Variants in SLC6A19 observed in about 807,000 individuals in gnomAD.
The protein encoded by SLC6A19 is sodium-dependent neutral amino acid transporter B(0)AT1.
In SLC6A19, 67 loss-of-function variants were observed where a neutral mutation model predicts 68.3. The observed-to-expected ratio is 0.98, with a 90% CI of 0.81 to 1.20. The LOEUF is 1.20. SLC6A19 is among the 50% of genes most tolerant of loss of function. The pLI is 0.00. For synonymous variants in SLC6A19, 392 were observed against 374.9 expected, an observed-to-expected ratio of 1.05 and a Z score of -0.53; for missense variants, 813 against 851.6, an observed-to-expected ratio of 0.95 and a Z score of 0.56.
chr5:1,209,078 C>G lies in SLC6A19; in HGVS notation c.343+192C>G, dbSNP rs74938348. Among the ~76,000 whole-genome samples the G allele has an allele frequency of 0.12, 17,923 of 152,218 alleles. 1,382 individuals carry two copies. Among genetic ancestry groups the G allele is most frequent in the Admixed American group, 0.24 (3,687 of 15,298 alleles). On this transcript the variant is annotated intron_variant, in intron 2 of 11. Transcript: ENST00000304460. The surrounding 1 kb of genome is among the most constrained non-coding windows in gnomAD (Gnocchi z 5.5). ...GAAACTCCAGGCCACTCCTGTTCAC[C>G]AGGAACCAGACAGGCCAGCAGAGGC... is the stretch of plus-strand genomic sequence containing the variant.
chr5:1,220,409 C>CAAAA (rs70957336), intron 10 of SLC6A19, among the ~76,000 whole-genome samples: 2 of 105,666 alleles, frequency 1.9e-5, no homozygotes, highest in African/African-American at 7.5e-5. Context: ...GGCTCCATCT[C>CAAAA]AAAAAAAAAA....
In SLC6A19 at chr5:1,222,389, G is replaced by C. The variant is rs889835516; in HGVS notation, c.*485G>C. 6.5e-6 allele frequency: 3 copies of C among 461,770 alleles called. No individual in the cohort carries two copies. Among genetic ancestry groups the C allele is most frequent in the South Asian group, 6.9e-5 (1 of 14,500 alleles). 28.6% of individuals were successfully genotyped at this position (461,770 alleles called of 1,614,324 possible). On this transcript the variant is annotated 3_prime_UTR_variant, in exon 12 of 12. Transcript: ENST00000304460. ...TCGTACAATGGGTGTCCACATGCAC[G>C]TGTATATGTATATCTGTGAGTGTAT...
rs188314121 is a variant in SLC6A19 at position 1,222,204 on chromosome 5, C to G, written c.*300C>G. ...GTGTCATGTTGTGTGTGTGCATGTACATGTATGGACATTGTGTGAGTGTGC... is the reference window on the plus strand; with the variant it reads ...GTGTCATGTTGTGTGTGTGCATGTAGATGTATGGACATTGTGTGAGTGTGC... On this transcript the variant is annotated 3_prime_UTR_variant, in exon 12 of 12. Coordinates refer to ENST00000304460, the MANE Select transcript of SLC6A19 (RefSeq NM_001003841.3). The G allele has an allele frequency of 4.5e-3, 2,622 of 588,754 alleles. 48 individuals carry two copies. In the African/African-American group the frequency reaches 0.045, roughly 10 times the overall value. The allele number at this position is 588,754 out of a possible 1,614,324, so 36.5% of individuals were successfully genotyped here.
At position 1,223,469 on chromosome 5, in the gene SLC6A19, C is replaced by T. The variant is rs1209136473; in HGVS notation, c.*1565C>T. 1 of 152,466 alleles carries T rather than the reference C, an allele frequency of 6.6e-6. No homozygotes were observed. Among genetic ancestry groups the T allele is most frequent in the African/African-American group, 2.4e-5 (1 of 41,482 alleles). 9.4% of individuals were successfully genotyped at this position (152,466 alleles called of 1,614,324 possible). The stretch of plus-strand genomic sequence containing the variant: ...CCACTCAGTGAAGCCCAGCCTGGCG[C>T]CTGCCCTGCCCCCGTCACGGGATGG... On this transcript the variant is annotated 3_prime_UTR_variant, in exon 12 of 12. Coordinates refer to ENST00000304460, the MANE Select transcript of SLC6A19 (RefSeq NM_001003841.3).
chr5:1,222,851 C>G lies in SLC6A19; in HGVS notation c.*947C>G, dbSNP rs1016892917. ...AGCAGACCACTGGGGACGTGCTGTG[C>G]CCTGCACGTGCCCGGGGGAAGCGGA... On this transcript the variant is annotated 3_prime_UTR_variant, in exon 12 of 12. Transcript: ENST00000304460. The G allele has an allele frequency of 1.3e-5, 2 of 152,378 alleles. No individual in the cohort carries two copies. The highest frequency in any genetic ancestry group is 1.3e-4 in the Admixed American group (2 of 15,282). 9.4% of individuals were successfully genotyped at this position (152,378 alleles called of 1,614,324 possible). A position where few individuals can be genotyped will look rare whatever the true frequency, so the allele number is the denominator to read the frequency against.
Position 1,221,786 on chromosome 5 carries a change from C to G in SLC6A19, c.1787C>G (p.Thr596Ser), listed in dbSNP as rs1411169824. 1.2e-6 allele frequency: 2 copies of G among 1,614,202 alleles called. No homozygotes were observed. The highest frequency in any genetic ancestry group is 1.1e-5 in the South Asian group (1 of 91,092). ...ATTGTGGCTGGAGTGCCCTCCCTCA[C>G]CATCCCTGGCTATGCCATCTACAAG... Reference protein sequence around the residue: ...VVIVAGVPSLTIPGYAIYKLI... With the variant: ...VVIVAGVPSLSIPGYAIYKLI... The change falls in exon 12 of 12, where the codon ACC (threonine) becomes AGC (serine). Residue 596 changes from threonine to serine, a missense_variant. Transcript: ENST00000304460.
chr5:1,201,964 G>C, intron 1 of SLC6A19, 112 bp downstream of exon 1: 1 of 1,378,474 alleles, frequency 7.3e-7, no homozygotes, highest in Non-Finnish European at 9.7e-7. Flanking sequence ...AAGCACGGAG[G>C]GGAGAGGAGA....
At chr5:1,204,666 GGGGCTGC>G (rs202013510) in intron 1 of SLC6A19, among the ~76,000 whole-genome samples, 3,090 of 128,078 alleles carry the variant, frequency 0.024, 45 homozygotes, top group Non-Finnish European at 0.045. Flanking sequence ...TGGCCCCTCA[GGGGCTGC>G]CCCCCCAGCT....
rs1466404656 is a variant in SLC6A19 at position 1,212,799 on chromosome 5, G to A, written c.663+315G>A. On this transcript the variant is annotated intron_variant, in intron 4 of 11. Transcript: ENST00000304460. The surrounding 1 kb of genome is among the most constrained non-coding windows in gnomAD (Gnocchi z 5.1). ...AGACGATGATGATGATGATGGTGATGATGGTGATGATAAAACAGGAAAGTG... is the reference window on the plus strand; with the variant it reads ...AGACGATGATGATGATGATGGTGATAATGGTGATGATAAAACAGGAAAGTG... Among the ~76,000 whole-genome samples the A allele has an allele frequency of 6.6e-6, 1 of 152,108 alleles. No individual in the cohort carries two copies. The highest frequency in any genetic ancestry group is 1.5e-5 in the Non-Finnish European group (1 of 68,008).
In SLC6A19 at chr5:1,215,474, G is replaced by A. The variant is rs146784032; in HGVS notation, c.888-1084G>A. On this transcript the variant is annotated intron_variant, in intron 6 of 11. Coordinates refer to ENST00000304460, the MANE Select transcript of SLC6A19 (RefSeq NM_001003841.3). This position sits in a 1 kb window ranked among gnomAD's most constrained non-coding sequence, Gnocchi z 5.1. ...CTGCCTCTGTGGCTGTGCCTAGTCC[G>A]GACATTTCCTGCGAATGGGGTGGCC... is the stretch of plus-strand genomic sequence containing the variant. Among the ~76,000 whole-genome samples the A allele has an allele frequency of 3.0e-4, 46 of 152,304 alleles. No individual in the cohort carries two copies. The highest frequency in any genetic ancestry group is 9.7e-4 in the East Asian group (5 of 5,174).
At chr5:1,221,618 G>C (rs1746383176) in intron 11 of SLC6A19, 83 bp from the exon 12 acceptor site, 21 of 1,545,930 alleles carry the variant, frequency 1.4e-5, no homozygotes, top group Non-Finnish European at 1.9e-5. Flanking sequence ...GGAGGTGAGA[G>C]TCATGGGGTG....
chr5:1,202,279 G>A (rs1391078201), intron 1 of SLC6A19, among the ~76,000 whole-genome samples: 1 of 152,222 alleles, frequency 6.6e-6, no homozygotes, highest in Non-Finnish European at 1.5e-5. Flanking sequence ...GAGGTAGCTG[G>A]GTTGGGGGCA....
At chr5:1,202,090 A>G (rs1199429811) in intron 1 of SLC6A19, among the ~76,000 whole-genome samples, 1 of 152,172 alleles carries the variant, frequency 6.6e-6, no homozygotes, top group Non-Finnish European at 1.5e-5. Flanking sequence ...GTGGGGCTCC[A>G]GGGAGGGCCC....
In SLC6A19 at chr5:1,212,035, CTGTG is replaced by C. The variant is rs201296447; in HGVS notation, c.482-257_482-254del. Among the ~76,000 whole-genome samples, 1 of 119,806 alleles carries C rather than the reference CTGTG, an allele frequency of 8.3e-6. No individual in the cohort carries two copies. The highest frequency in any genetic ancestry group is 3.3e-5 in the African/African-American group (1 of 30,618). The allele number at this position is 119,806 out of a possible 152,430, so 78.6% of individuals were successfully genotyped here. ...ATGTGTGCCTCTGTGCATGTGTGTG[CTGTG>C]TGTGTGTGTGCATGTGCATGTGTGG... On this transcript the variant is annotated intron_variant, in intron 3 of 11. Transcript: ENST00000304460. The surrounding 1 kb of genome is among the most constrained non-coding windows in gnomAD (Gnocchi z 5.1).
rs1746424793 is a variant in SLC6A19, at chr5:1,222,614, T to A, written c.*710T>A. The A allele has an allele frequency of 6.7e-6, 2 of 296,762 alleles. No homozygotes were observed. The highest frequency in any genetic ancestry group is 1.3e-5 in the Non-Finnish European group (2 of 159,058). The allele number at this position is 296,762 out of a possible 1,614,324, so 18.4% of individuals were successfully genotyped here. On this transcript the variant is annotated 3_prime_UTR_variant, in exon 12 of 12. Transcript: ENST00000304460. ...TGTGATGTGTGCTCGTGTGTGTGCA[T>A]ATTCAGGCAGGTGTGCATTTGTGCA...
rs964937654 is a variant in SLC6A19 at position 1,223,805 on chromosome 5, C to T, written c.*1901C>T. The T allele has an allele frequency of 6.6e-6, 1 of 152,262 alleles. No individual in the cohort carries two copies. The highest frequency in any genetic ancestry group is 2.4e-5 in the African/African-American group (1 of 41,418). 9.4% of individuals were successfully genotyped at this position (152,262 alleles called of 1,614,324 possible). ...GCAGGACTGAAAGCCTGGTGTGTGC[C>T]AGTATGATGTTCCACCCACAGAAAC... On this transcript the variant is annotated 3_prime_UTR_variant, in exon 12 of 12. Coordinates refer to ENST00000304460, the MANE Select transcript of SLC6A19 (RefSeq NM_001003841.3).
At position 1,219,115 on chromosome 5, in the gene SLC6A19, T is replaced by G. The variant is rs1447028570; in HGVS notation, c.1378+8T>G. On this transcript the variant is annotated splice_region_variant and intron_variant, in intron 9 of 11. Coordinates refer to ENST00000304460, the MANE Select transcript of SLC6A19 (RefSeq NM_001003841.3). ...CCAAGGAGGTGCTCACAGGTACGTG[T>G]GCAGTCGGGAGGGGTCCCCATGGCA... The G allele has an allele frequency of 6.2e-7, 1 of 1,608,092 alleles. No homozygotes were observed. The highest frequency in any genetic ancestry group is 8.5e-7 in the Non-Finnish European group (1 of 1,177,450).
Position 1,218,892 on chromosome 5 carries a change from C to T in SLC6A19, c.1174-11C>T. The stretch of plus-strand genomic sequence containing the variant: ...GGCAGAGGCCCTGGTGACTGTGTGT[C>T]ATCCGTGCAGGCCGTGGAGGGCACA... On this transcript the variant is annotated splice_polypyrimidine_tract_variant and intron_variant, in intron 8 of 11. Coordinates refer to ENST00000304460, the MANE Select transcript of SLC6A19 (RefSeq NM_001003841.3). 2 of 1,611,952 alleles carry T rather than the reference C, an allele frequency of 1.2e-6. No homozygotes were observed. Among genetic ancestry groups the T allele is most frequent in the Non-Finnish European group, 1.7e-6 (2 of 1,179,440 alleles).
In SLC6A19 at chr5:1,201,815, G is replaced by A; in HGVS notation, c.165G>A (p.Val55=). ...GCTTCTGCGTGGGCCTCGGCAACGTGTGGCGCTTCCCCTACCTGTGTCAGA... is the reference window on the plus strand; with the variant it reads ...GCTTCTGCGTGGGCCTCGGCAACGTATGGCGCTTCCCCTACCTGTGTCAGA... The part of the protein sequence containing the change: ...CLGFCVGLGN[V]WRFPYLCQSH... Residue 55 remains valine, a synonymous_variant, in exon 1 of 12, where the codon GTG becomes GTA. Coordinates refer to ENST00000304460, the MANE Select transcript of SLC6A19 (RefSeq NM_001003841.3). 6.2e-7 allele frequency: 1 copy of A among 1,612,260 alleles called. No individual in the cohort carries two copies. Among genetic ancestry groups the A allele is most frequent in the Non-Finnish European group, 8.5e-7 (1 of 1,179,886 alleles).
Sources: allele counts gnomAD v4.1 joint callset (sites outside exome capture counted in the v4.1 genomes callset), GRCh38; gene constraint gnomAD v4.1.1; non-coding constraint Gnocchi (gnomAD v3.1); transcripts MANE v1.5; gene names NCBI Gene and HGNC (gene_info 2026-07-23, HGNC 2026-07-21).